Variants in PIK3C2G observed in about 807,000 individuals in gnomAD.
PIK3C2G encodes phosphatidylinositol 3-kinase C2 domain-containing subunit gamma.
Under a neutral mutation model 181.1 loss-of-function variants are expected in PIK3C2G, and 168 were observed. The observed-to-expected ratio is 0.93, with a 90% CI of 0.82 to 1.05. The LOEUF (loss-of-function observed/expected upper bound fraction) is 1.05, where lower values mean the gene tolerates loss of function less well. PIK3C2G is among the 50% of genes least tolerant of loss of function. The pLI is 0.00. For missense variants in PIK3C2G, 1,869 were observed against 1,732.8 expected (o/e 1.08, Z -1.40); for synonymous variants, 573 against 592.2 (o/e 0.97, Z 0.47).
At chr12:18,332,586 C>A (rs1048278018) in intron 8 of PIK3C2G, among the ~76,000 whole-genome samples, 8 of 152,110 alleles carry the variant, frequency 5.3e-5, no homozygotes. Context: ...AGACAACTTT[C>A]CTGGCCTTTC....
intron 20 of PIK3C2G, chr12:18,493,140 C>G (rs1401181925): frequency 6.6e-6 from 1 of 152,232 alleles, no homozygotes; most frequent in Non-Finnish European, 1.5e-5. Context: ...GAAACCTTAT[C>G]AACTACTGGA....
At chr12:18,659,353 T>G in the PIK3C2G span, among the ~76,000 whole-genome samples, 2 of 152,124 alleles carry the variant, frequency 1.3e-5, no homozygotes, top group Non-Finnish European at 2.9e-5. Context: ...GCCATACGCT[T>G]GTAACTGGAG....
At chr12:18,610,991 A>G (rs1168356985) in intron 31 of PIK3C2G, among the ~76,000 whole-genome samples, 1 of 152,098 alleles carries the variant, frequency 6.6e-6, no homozygotes, top group Non-Finnish European at 1.5e-5. Flanking sequence ...ACTTGGTGAT[A>G]TTACTCAATG....
chr12:18,588,009 C>T (rs953163287), intron 29 of PIK3C2G, among the ~76,000 whole-genome samples: 1 of 151,966 alleles, frequency 6.6e-6, no homozygotes, highest in Non-Finnish European at 1.5e-5. Context: ...GGAAAGCACT[C>T]CCTATTCAAT....
chr12:18,245,108 G>GT (rs1235854008), upstream of PIK3C2G, among the ~76,000 whole-genome samples: 1 of 152,036 alleles, frequency 6.6e-6, no homozygotes, highest in African/African-American at 2.4e-5. Context: ...GTGGGCATCT[G>GT]TATCTTAGAA....
Position 18,252,789 on chromosome 12 carries a change from G to C in PIK3C2G, c.-79+4707G>C, listed in dbSNP as rs377112782. Among the ~76,000 whole-genome samples, 9 of 152,306 alleles carry C rather than the reference G, an allele frequency of 5.9e-5. No homozygotes were observed. In the South Asian group the frequency reaches 1.9e-3, roughly 32 times the overall value. On this transcript the variant is annotated intron_variant, in intron 1 of 11. Transcript: ENST00000535651. ...TATGACCTAGTTTGGAAGGAAGGCA[G>C]AGAATTCTTTTACAACCTGCTTCAG...
the PIK3C2G span, among the ~76,000 whole-genome samples, chr12:18,661,651 G>A: frequency 1.3e-5 from 2 of 152,032 alleles, no homozygotes; most frequent in Non-Finnish European, 2.9e-5. Context: ...AAAATAACAT[G>A]CTGGTGAGGC....
intron 18 of PIK3C2G, among the ~76,000 whole-genome samples, chr12:18,468,253 G>T (rs1049962221): frequency 3.3e-5 from 5 of 152,032 alleles, no homozygotes. Context: ...AACTGAGATT[G>T]CTGGTCCAGA....
chr12:18,303,139 T>TTTTTCTTTCTTTCTTTC (rs1555153606), intron 5 of PIK3C2G, among the ~76,000 whole-genome samples: 2 of 128,660 alleles, frequency 1.6e-5, no homozygotes, highest in Non-Finnish European at 3.3e-5. Flanking sequence ...TCTTTCTTTC[T>TTTTTCTTTCTTTCTTTC]TTTCTTTTCT....
chr12:18,696,136 C>T, the PIK3C2G span: 5 of 1,246,874 alleles, frequency 4.0e-6, no homozygotes, highest in East Asian at 2.4e-5. Flanking sequence ...AACTCAATAT[C>T]GTATATAACA....
At chr12:18,458,344 A>G (rs1947739175) in intron 18 of PIK3C2G, among the ~76,000 whole-genome samples, 1 of 152,204 alleles carries the variant, frequency 6.6e-6, no homozygotes, top group African/African-American at 2.4e-5. Flanking sequence ...ACTTGCTTCT[A>G]TGACAAGTCA....
chr12:18,437,190 G>C (rs1319179187), intron 18 of PIK3C2G, among the ~76,000 whole-genome samples: 1 of 151,956 alleles, frequency 6.6e-6, no homozygotes, highest in African/African-American at 2.4e-5. Flanking sequence ...CTTTGTTCAT[G>C]AAAAGATTGC....
intron 12 of PIK3C2G, among the ~76,000 whole-genome samples, chr12:18,367,308 T>G (rs1180046665): frequency 6.6e-6 from 1 of 152,192 alleles, no homozygotes; most frequent in African/African-American, 2.4e-5. Flanking sequence ...TAAATGAATA[T>G]GACAAGTGTG....
intron 5 of PIK3C2G, among the ~76,000 whole-genome samples, chr12:18,300,732 T>C (rs1436802170): frequency 6.6e-6 from 1 of 152,148 alleles, no homozygotes; most frequent in African/African-American, 2.4e-5. Context: ...CTTGGTGGTT[T>C]TCTGCAGGCG....
the PIK3C2G span, chr12:18,701,400 G>A: frequency 3.2e-6 from 5 of 1,574,022 alleles, no homozygotes; most frequent in East Asian, 9.1e-5. Flanking sequence ...GTTTTTATAA[G>A]AAGGAAAATG....
chr12:18,347,949 T>C (rs1024515228), intron 11 of PIK3C2G, among the ~76,000 whole-genome samples: 4 of 152,118 alleles, frequency 2.6e-5, no homozygotes, highest in African/African-American at 4.8e-5. Context: ...TACACACATA[T>C]TTGTTTAGAA....
chr12:18,421,340 A>G lies in PIK3C2G; in HGVS notation c.2409+306A>G, dbSNP rs149292071. Reference sequence around the variant, plus strand: ...TATATATAAAATGATAAAAATTACCAAATAAATGTTATGTAGAAAATAATC... The same window carrying G: ...TATATATAAAATGATAAAAATTACCGAATAAATGTTATGTAGAAAATAATC... On this transcript the variant is annotated intron_variant, in intron 17 of 32. Transcript: ENST00000538779. Among the ~76,000 whole-genome samples, 561 of 152,176 alleles carry G rather than the reference A, an allele frequency of 3.7e-3. 3 individuals are homozygous for G. Among genetic ancestry groups the G allele is most frequent in the African/African-American group, 0.013 (531 of 41,572 alleles).
At chr12:18,453,778 T>G (rs978699121) in intron 18 of PIK3C2G, among the ~76,000 whole-genome samples, 1 of 151,460 alleles carries the variant, frequency 6.6e-6, no homozygotes, top group Non-Finnish European at 1.5e-5. Flanking sequence ...AAAAAAAGTA[T>G]GCAAGTGAAC....
At chr12:18,340,464 G>T (rs1274090847) in intron 9 of PIK3C2G, among the ~76,000 whole-genome samples, 1 of 152,134 alleles carries the variant, frequency 6.6e-6, no homozygotes, top group Non-Finnish European at 1.5e-5. Context: ...ATTTTGATGA[G>T]CTTATAAACT....
Sources: allele counts gnomAD v4.1 joint callset (sites outside exome capture counted in the v4.1 genomes callset), GRCh38; gene constraint gnomAD v4.1.1; transcripts MANE v1.5; gene names NCBI Gene and HGNC (gene_info 2026-07-23, HGNC 2026-07-21).